Variants in ENTHD1 observed in about 807,000 individuals in gnomAD.
ENTHD1 encodes the protein ENTH domain containing 1, also known as ENTH domain-containing protein 1.
Under a neutral mutation model 39.1 loss-of-function variants are expected in ENTHD1, and 23 were observed. The observed-to-expected ratio is 0.59, with a 90% CI of 0.42 to 0.83. ENTHD1 has a LOEUF of 0.83. Ranked by LOEUF, ENTHD1 falls within the 40% of genes least tolerant of loss-of-function variation. The pLI is 0.00. For synonymous variants in ENTHD1, 230 were observed against 258.2 expected, an observed-to-expected ratio of 0.89 and a Z score of 1.05; for missense variants, 624 against 705.4, an observed-to-expected ratio of 0.88 and a Z score of 1.31.
intron 5 of ENTHD1, among the ~76,000 whole-genome samples, chr22:39,784,643 C>A (rs1308860219): frequency 6.6e-6 from 1 of 151,376 alleles, no homozygotes; most frequent in African/African-American, 2.4e-5. Context: ...ATGGATGGAA[C>A]CGTAGGTCAT....
intron 2 of ENTHD1, chr22:39,874,480 G>A (rs949731420): frequency 1.3e-5 from 2 of 152,188 alleles, no homozygotes; most frequent in African/African-American, 4.8e-5. Flanking sequence ...GAAGGAAAAG[G>A]ACTCCTGCCT....
Position 39,866,289 on chromosome 22 carries a change from A to C in ENTHD1, c.350-4282T>G, listed in dbSNP as rs968320616. Among the ~76,000 whole-genome samples the C allele has an allele frequency of 1.4e-4, 21 of 152,358 alleles. 1 individual carries two copies. Among genetic ancestry groups the C allele is most frequent in the Admixed American group, 1.2e-3 (18 of 15,310 alleles). On this transcript the variant is annotated intron_variant, in intron 2 of 6. Coordinates refer to ENST00000325157, the MANE Select transcript of ENTHD1 (RefSeq NM_152512.4). ...AAGGCCCAAGGACATTCATTTATGC[A>C]GTCCATTAATAATTTCTGGAATACT...
intron 4 of ENTHD1, among the ~76,000 whole-genome samples, chr22:39,831,595 C>T (rs140286499): frequency 2.1e-3 from 315 of 152,214 alleles, no homozygotes; most frequent in African/African-American, 6.9e-3. Flanking sequence ...GAAGCCAAGG[C>T]GGGCGGATCA....
intron 5 of ENTHD1, among the ~76,000 whole-genome samples, chr22:39,765,948 T>A (rs1018637667): frequency 5.8e-5 from 8 of 137,416 alleles, no homozygotes; most frequent in African/African-American, 2.1e-4. Context: ...CCAACTTTCA[T>A]CTTTTTTACA....
intron 1 of ENTHD1, among the ~76,000 whole-genome samples, chr22:39,892,087 T>C (rs1256994938): frequency 6.6e-6 from 1 of 152,244 alleles, no homozygotes; most frequent in African/African-American, 2.4e-5. Flanking sequence ...TCAACAGATA[T>C]TTCTTGAGTA....
chr22:39,827,782 T>C (rs1014189828), intron 4 of ENTHD1, among the ~76,000 whole-genome samples: 2 of 152,140 alleles, frequency 1.3e-5, no homozygotes, highest in African/African-American at 4.8e-5. Flanking sequence ...AAATTAAAAA[T>C]AAGCATAACC....
intron 3 of ENTHD1, among the ~76,000 whole-genome samples, chr22:39,847,977 G>C (rs186235016): frequency 2.0e-5 from 3 of 152,290 alleles, no homozygotes; most frequent in Admixed American, 1.3e-4. Context: ...TGGCCAAGCT[G>C]AACTGTCATC....
At chr22:39,745,017 G>A (rs747421993) in intron 6 of ENTHD1, among the ~76,000 whole-genome samples, 1 of 152,068 alleles carries the variant, frequency 6.6e-6, no homozygotes, top group Non-Finnish European at 1.5e-5. Flanking sequence ...GAGAAACACT[G>A]TGTTCCTTCA....
chr22:39,852,845 C>T (rs539417355), intron 3 of ENTHD1, among the ~76,000 whole-genome samples: 1 of 152,288 alleles, frequency 6.6e-6, no homozygotes, highest in African/African-American at 2.4e-5. Flanking sequence ...GAGATGTTAA[C>T]AGTGGTCGGT....
chr22:39,840,899 C>T (rs1219893427), intron 3 of ENTHD1, among the ~76,000 whole-genome samples: 1 of 152,044 alleles, frequency 6.6e-6, no homozygotes, highest in African/African-American at 2.4e-5. Context: ...ACTACAGGCA[C>T]CCACCACTGC....
intron 3 of ENTHD1, among the ~76,000 whole-genome samples, chr22:39,848,258 AT>A (rs879735521): frequency 0.012 from 1,766 of 145,428 alleles, 12 homozygotes; most frequent in Non-Finnish European, 0.016. Flanking sequence ...TAATTAATTA[AT>A]TTTTTTTTTT....
intron 5 of ENTHD1, among the ~76,000 whole-genome samples, chr22:39,819,606 G>A (rs1023768795): frequency 6.6e-6 from 1 of 152,114 alleles, no homozygotes; most frequent in South Asian, 2.1e-4. Context: ...GGGATGAATA[G>A]AGCACAGAGG....
chr22:39,883,604 A>C (rs2066356857), intron 2 of ENTHD1, among the ~76,000 whole-genome samples: 2 of 152,126 alleles, frequency 1.3e-5, no homozygotes, highest in Admixed American at 6.5e-5. Flanking sequence ...GAGAGGAAGA[A>C]GTGAAACTAT....
chr22:39,819,714 G>C (rs984394620), intron 5 of ENTHD1, among the ~76,000 whole-genome samples: 1 of 152,002 alleles, frequency 6.6e-6, no homozygotes, highest in Non-Finnish European at 1.5e-5. Flanking sequence ...ACACCAAAAG[G>C]GAAGCCCAAT....
intron 5 of ENTHD1, among the ~76,000 whole-genome samples, chr22:39,819,058 T>A (rs2065757365): frequency 6.6e-6 from 1 of 152,128 alleles, no homozygotes; most frequent in East Asian, 1.9e-4. Context: ...GTACATTCTA[T>A]TCAGCACTAA....
In ENTHD1 at chr22:39,841,832, C is replaced by G. The variant is rs186756459; in HGVS notation, c.593-5874G>C. On this transcript the variant is annotated intron_variant, in intron 3 of 6. Coordinates refer to ENST00000325157, the MANE Select transcript of ENTHD1 (RefSeq NM_152512.4). ...AGTTGATGCAGTTTCTTCCTAGTCT[C>G]GATGATCTTTACATTTTGGCATGAT... 2.0e-3 allele frequency among the ~76,000 whole-genome samples: 310 copies of G among 152,222 alleles called. 2 individuals are homozygous for G. Among genetic ancestry groups the G allele is most frequent in the African/African-American group, 9.2e-4 (38 of 41,516 alleles).
chr22:39,822,672 A>G (rs1045952815), intron 4 of ENTHD1, among the ~76,000 whole-genome samples: 5 of 152,190 alleles, frequency 3.3e-5, no homozygotes, highest in Non-Finnish European at 7.4e-5. Context: ...TAAAGCTACT[A>G]TGAACATTCT....
intron 2 of ENTHD1, among the ~76,000 whole-genome samples, chr22:39,886,058 GTT>G (rs137951): frequency 2.0e-4 from 29 of 148,080 alleles, no homozygotes; most frequent in Admixed American, 1.5e-3. Context: ...TCTCAATAAA[GTT>G]TTTTTTTTTA....
chr22:39,757,704 T>A (rs2146544042), intron 6 of ENTHD1, among the ~76,000 whole-genome samples: 1 of 152,056 alleles, frequency 6.6e-6, no homozygotes, highest in East Asian at 1.9e-4. Context: ...AATTTTAAAA[T>A]AGGGACAGGG....
Sources: gnomAD v4.1 joint callset for allele counts (sites outside exome capture counted in the v4.1 genomes callset) on GRCh38, gnomAD v4.1.1 for gene constraint, MANE v1.5 for transcripts, NCBI Gene and HGNC (gene_info 2026-07-23, HGNC 2026-07-21) for gene names.